The following CCDC152 variants were observed in gnomAD, a reference collection of about 807,000 sequenced individuals.
CCDC152 encodes coiled-coil domain-containing protein 152.
In CCDC152, 37 loss-of-function variants were observed where a neutral mutation model predicts 38.1. The observed-to-expected ratio is 0.97, with a 90% CI of 0.75 to 1.28. The LOEUF (loss-of-function observed/expected upper bound fraction) is 1.28. Among genes scored for constraint, CCDC152 ranks in the 50% most tolerant of loss-of-function variants. The probability of loss-of-function intolerance (pLI) is 0.00; values close to 1 mark genes in which losing one functional copy is unlikely to be tolerated. For synonymous variants in CCDC152, 83 were observed against 87.1 expected, an observed-to-expected ratio of 0.95 and a Z score of 0.26; for missense variants, 259 against 292.1, an observed-to-expected ratio of 0.89 and a Z score of 0.83.
chr5:42,757,245 G>C (rs1759492379), intron 1 of CCDC152, among the ~76,000 whole-genome samples: 2 of 152,184 alleles, frequency 1.3e-5, no homozygotes, highest in South Asian at 4.1e-4. Flanking sequence ...AGGGAGCCAG[G>C]GGACCCAGGC....
chr5:42,787,253 A>G (rs911917892), intron 6 of CCDC152, among the ~76,000 whole-genome samples: 1 of 151,972 alleles, frequency 6.6e-6, no homozygotes, highest in Non-Finnish European at 1.5e-5. Context: ...CTTTTAAATT[A>G]TTCCTTCTGC....
At chr5:42,799,246 T>C (rs992951509) in intron 7 of CCDC152, 129 bp from the exon 8 acceptor site, 8 of 465,216 alleles carry the variant, frequency 1.7e-5, no homozygotes, top group South Asian at 6.1e-5. Context: ...AAGATTTTTC[T>C]ATTGTCTATA....
chr5:42,768,120 A>C (rs1759649745), intron 3 of CCDC152, among the ~76,000 whole-genome samples: 1 of 152,200 alleles, frequency 6.6e-6, no homozygotes, highest in Non-Finnish European at 1.5e-5. Context: ...CTATCAGCAT[A>C]GTTGAAAAAG....
chr5:42,771,716 T>G (rs1759701258), intron 4 of CCDC152, among the ~76,000 whole-genome samples: 1 of 151,594 alleles, frequency 6.6e-6, no homozygotes. Context: ...CAAAACTGAG[T>G]CAGAAATAGT....
At chr5:42,769,812 AT>A in intron 4 of CCDC152, 147 bp downstream of exon 4, 3 of 963,340 alleles carry the variant, frequency 3.1e-6, no homozygotes, top group South Asian at 4.3e-5. Context: ...TTCCTAGATG[AT>A]TATGAAATAA....
intron 6 of CCDC152, among the ~76,000 whole-genome samples, chr5:42,796,210 G>A (rs1415272333): frequency 6.6e-6 from 1 of 151,096 alleles, no homozygotes; most frequent in African/African-American, 2.4e-5. Context: ...CCTGCACATG[G>A]TGCACATGTA....
At chr5:42,759,268 G>T in intron 2 of CCDC152, 60 bp downstream of exon 2, 1 of 1,058,392 alleles carries the variant, frequency 9.4e-7, no homozygotes, top group South Asian at 1.7e-5. Context: ...ATTTTGCCAA[G>T]GGAAGAAGTT....
At position 42,800,818 on chromosome 5, in the gene CCDC152, C is replaced by G. The variant is rs778801587; in HGVS notation, c.*1037C>G. 1 of 1,614,220 alleles carries G rather than the reference C, an allele frequency of 6.2e-7. No individual in the cohort carries two copies. The highest frequency in any genetic ancestry group is 8.5e-7 in the Non-Finnish European group (1 of 1,180,044). On this transcript the variant is annotated 3_prime_UTR_variant, in exon 9 of 9. Coordinates refer to ENST00000361970, the MANE Select transcript of CCDC152 (RefSeq NM_001134848.2). ...AGCTGCTGACTTATTTGTCAGGCAGCTGGAGGCAAACGTCACTGACAAGAT... is the reference window on the plus strand; with the variant it reads ...AGCTGCTGACTTATTTGTCAGGCAGGTGGAGGCAAACGTCACTGACAAGAT...
At chr5:42,786,823 A>G (rs1759926911) in intron 6 of CCDC152, among the ~76,000 whole-genome samples, 2 of 151,946 alleles carry the variant, frequency 1.3e-5, no homozygotes, top group South Asian at 4.2e-4. Context: ...TCTGTATCCT[A>G]GAGGTTTTGG....
intron 4 of CCDC152, among the ~76,000 whole-genome samples, chr5:42,774,342 A>G (rs938879294): frequency 2.0e-5 from 3 of 152,230 alleles, no homozygotes; most frequent in Non-Finnish European, 2.9e-5. Context: ...AAGATCTCAC[A>G]GTTAAGATAT....
chr5:42,801,246 T>C lies in CCDC152; in HGVS notation c.*1465T>C, dbSNP rs376679293. ...ATGTCCATGATTGTGATGATGCTCA[T>C]GATGGTAATGAGGCGATGGAGTTTC... On this transcript the variant is annotated 3_prime_UTR_variant, in exon 9 of 9. Coordinates refer to ENST00000361970, the MANE Select transcript of CCDC152 (RefSeq NM_001134848.2). The C allele has an allele frequency of 4.3e-6, 7 of 1,614,048 alleles. No individual in the cohort carries two copies. Among genetic ancestry groups the C allele is most frequent in the Non-Finnish European group, 3.4e-6 (4 of 1,180,014 alleles).
chr5:42,761,490 C>T (rs962815089), intron 2 of CCDC152, among the ~76,000 whole-genome samples: 3 of 152,082 alleles, frequency 2.0e-5, no homozygotes, highest in African/African-American at 7.2e-5. Flanking sequence ...TGGCGTGCCC[C>T]TGTAATCCCA....
rs183656137 is a variant in CCDC152, at chr5:42,780,169, A to G, written c.327+647A>G. Among the ~76,000 whole-genome samples, 157 of 152,308 alleles carry G rather than the reference A, an allele frequency of 1.0e-3. 1 individual carries two copies. Among genetic ancestry groups the G allele is most frequent in the African/African-American group, 3.7e-3 (155 of 41,582 alleles). On this transcript the variant is annotated intron_variant, in intron 5 of 8. Coordinates refer to ENST00000361970, the MANE Select transcript of CCDC152 (RefSeq NM_001134848.2). ...CTCAAGAGCTAATATGTCAAATTCT[A>G]GCAGACAAAAGATCCTCAAAACTCA... is the stretch of plus-strand genomic sequence containing the variant.
In CCDC152 at chr5:42,801,034, G is replaced by T; in HGVS notation, c.*1253G>T. The T allele has an allele frequency of 1.2e-6, 2 of 1,614,124 alleles. No individual in the cohort carries two copies. Among genetic ancestry groups the T allele is most frequent in the Non-Finnish European group, 1.7e-6 (2 of 1,180,012 alleles). ...AGTAATTGATTTATACATCTCTTTC[G>T]ACAGAGCTTCTTTTGTAAATCTTGT... On this transcript the variant is annotated 3_prime_UTR_variant, in exon 9 of 9. Coordinates refer to ENST00000361970, the MANE Select transcript of CCDC152 (RefSeq NM_001134848.2).
At chr5:42,778,051 A>T (rs1341408491) in intron 4 of CCDC152, among the ~76,000 whole-genome samples, 1 of 152,210 alleles carries the variant, frequency 6.6e-6, no homozygotes, top group African/African-American at 2.4e-5. Context: ...GTTTTGTTTA[A>T]CTACTTCTTG....
chr5:42,761,827 A>C (rs188191755), intron 2 of CCDC152, among the ~76,000 whole-genome samples: 1 of 152,318 alleles, frequency 6.6e-6, no homozygotes, highest in Non-Finnish European at 1.5e-5. Flanking sequence ...AAAGTGGTTC[A>C]AGTTAGGTCA....
At chr5:42,799,141 GA>G (rs201386297) in intron 7 of CCDC152, among the ~76,000 whole-genome samples, 43 of 148,416 alleles carry the variant, frequency 2.9e-4, no homozygotes, top group South Asian at 4.3e-4. Flanking sequence ...TAGAAACAAA[GA>G]AAAAAAAAAC....
At chr5:42,791,558 T>C (rs1760000025) in intron 6 of CCDC152, among the ~76,000 whole-genome samples, 1 of 152,236 alleles carries the variant, frequency 6.6e-6, no homozygotes, top group African/African-American at 2.4e-5. Flanking sequence ...AATCCTTTTG[T>C]AGGTTGTCTT....
intron 3 of CCDC152, among the ~76,000 whole-genome samples, chr5:42,763,156 A>G (rs905718564): frequency 2.6e-5 from 4 of 152,232 alleles, no homozygotes; most frequent in African/African-American, 9.6e-5. Context: ...AAAGTAAGAA[A>G]GTCCTCAAAA....
Sources: gnomAD v4.1 joint callset for allele counts (sites outside exome capture counted in the v4.1 genomes callset) on GRCh38, gnomAD v4.1.1 for gene constraint, MANE v1.5 for transcripts, NCBI Gene and HGNC (gene_info 2026-07-23, HGNC 2026-07-21) for gene names.